Variants in SORCS2 observed in about 807,000 individuals in gnomAD.
SORCS2 encodes the protein sortilin related VPS10 domain containing receptor 2, also known as VPS10 domain-containing receptor SorCS2.
A neutral mutation model predicts 141.6 loss-of-function variants in SORCS2; 100 were observed. The ratio of observed to expected loss-of-function variants is 0.71; its 90% CI spans 0.60 to 0.83. The LOEUF (loss-of-function observed/expected upper bound fraction) is 0.83, where lower values mean the gene tolerates loss of function less well. Ranked by LOEUF, SORCS2 falls within the 40% of genes least tolerant of loss-of-function variation. The probability of loss-of-function intolerance (pLI) is 0.00; values close to 1 mark genes in which losing one functional copy is unlikely to be tolerated. For synonymous variants in SORCS2, 789 were observed against 676.9 expected (o/e 1.17, Z -2.57); for missense variants, 1,646 against 1,560.2 (o/e 1.05, Z -0.93).
At chr4:7,548,979 T>C (rs959386373) in intron 3 of SORCS2, among the ~76,000 whole-genome samples, 3 of 152,122 alleles carry the variant, frequency 2.0e-5, no homozygotes, top group Non-Finnish European at 4.4e-5. Flanking sequence ...GATGCTCTCA[T>C]TGGCTGGGCT....
At chr4:7,270,482 G>T (rs916990200) in intron 1 of SORCS2, among the ~76,000 whole-genome samples, 1 of 152,192 alleles carries the variant, frequency 6.6e-6, no homozygotes, top group Admixed American at 6.5e-5. Flanking sequence ...TCCCTCCAGC[G>T]CTTCCTCTGA....
At chr4:7,717,102 C>A (rs1331075647) in intron 17 of SORCS2, among the ~76,000 whole-genome samples, 8 of 152,218 alleles carry the variant, frequency 5.3e-5, no homozygotes, top group African/African-American at 1.7e-4. Context: ...TCACAAGTAG[C>A]AAGCTGGATG....
chr4:7,366,734 G>T (rs1026501581), intron 1 of SORCS2, among the ~76,000 whole-genome samples: 7 of 151,982 alleles, frequency 4.6e-5, no homozygotes, highest in Non-Finnish European at 8.8e-5. Context: ...CAGATGGCCT[G>T]TGTGCTCACC....
At chr4:7,415,027 G>A (rs1393418359) in intron 2 of SORCS2, among the ~76,000 whole-genome samples, 1 of 152,160 alleles carries the variant, frequency 6.6e-6, no homozygotes, top group Non-Finnish European at 1.5e-5. Context: ...GAGAAGCAAG[G>A]CTAGGTGATT....
intron 1 of SORCS2, among the ~76,000 whole-genome samples, chr4:7,365,287 G>A (rs1721810497): frequency 6.6e-6 from 1 of 152,190 alleles, no homozygotes; most frequent in Admixed American, 6.5e-5. Context: ...AGAGCTGGAG[G>A]GCAGTGCAGG....
chr4:7,654,040 G>A, intron 4 of SORCS2, 94 bp from the exon 5 acceptor site: 1 of 1,176,436 alleles, frequency 8.5e-7, no homozygotes. Context: ...ACTTCTCCTG[G>A]GGGATCTGCT....
chr4:7,664,826 G>T lies in SORCS2; in HGVS notation c.1071+355G>T, dbSNP rs1315742364. 5.9e-5 allele frequency among the ~76,000 whole-genome samples: 9 copies of T among 152,302 alleles called. No homozygotes were observed. The East Asian group carries it at 1.4e-3, about 23-fold the overall frequency. On this transcript the variant is annotated intron_variant, in intron 7 of 26. Transcript: ENST00000507866. The surrounding 1 kb of genome is among the most constrained non-coding windows in gnomAD (Gnocchi z 4.7). The stretch of plus-strand genomic sequence containing the variant: ...TCTGGTCCCGGCTCTTGGCCACCAG[G>T]CACCGGCTATCCACAGCCCTGTGAC...
chr4:7,513,269 C>T (rs377592544), intron 2 of SORCS2, among the ~76,000 whole-genome samples: 4 of 152,202 alleles, frequency 2.6e-5, no homozygotes, highest in Non-Finnish European at 4.4e-5. Flanking sequence ...GGGTTATTGC[C>T]GTGGATGAGT....
intron 2 of SORCS2, among the ~76,000 whole-genome samples, chr4:7,413,244 C>A (rs1051526909): frequency 6.6e-6 from 1 of 152,072 alleles, no homozygotes; most frequent in African/African-American, 2.4e-5. Context: ...GTGTTAACCC[C>A]ACCTCATGAG....
At chr4:7,516,038 C>T (rs1484082880) in intron 2 of SORCS2, among the ~76,000 whole-genome samples, 2 of 152,190 alleles carry the variant, frequency 1.3e-5, no homozygotes, top group Admixed American at 1.3e-4. Flanking sequence ...TAGCAGTACC[C>T]GTGATGGTGT....
At chr4:7,218,209 A>G (rs1728489267) in intron 1 of SORCS2, among the ~76,000 whole-genome samples, 1 of 152,120 alleles carries the variant, frequency 6.6e-6, no homozygotes, top group Non-Finnish European at 1.5e-5. Context: ...CAACGAGTAG[A>G]TCCTGCATTC....
intron 2 of SORCS2, among the ~76,000 whole-genome samples, chr4:7,478,957 T>G (rs978069300): frequency 1.3e-5 from 2 of 152,222 alleles, no homozygotes. Context: ...GCTCTCCTGA[T>G]AGCTTTGTGT....
intron 4 of SORCS2, among the ~76,000 whole-genome samples, chr4:7,639,405 A>G (rs1720485638): frequency 7.5e-6 from 1 of 132,844 alleles, no homozygotes; most frequent in Admixed American, 8.4e-5. Context: ...CATGCTGCCT[A>G]CTGCATAAGT....
In SORCS2 at chr4:7,229,759, T is replaced by C. The variant is rs1025925583; in HGVS notation, c.480+36633T>C. Among the ~76,000 whole-genome samples, 47 of 152,040 alleles carry C rather than the reference T, an allele frequency of 3.1e-4. 3 individuals carry two copies. The highest frequency in any genetic ancestry group is 2.9e-5 in the Non-Finnish European group (2 of 68,012). On this transcript the variant is annotated intron_variant, in intron 1 of 26. Transcript: ENST00000507866. ...GTCTCTGGGCAGGAGCAGTGTCATG[T>C]GCTCATGTATGAAGGAGATGAAGAT...
At chr4:7,467,515 G>A (rs536481224) in intron 2 of SORCS2, among the ~76,000 whole-genome samples, 57 of 152,352 alleles carry the variant, frequency 3.7e-4, no homozygotes, top group African/African-American at 1.3e-3. Flanking sequence ...ACAGAAGTCA[G>A]AGGGCAGCTG....
chr4:7,433,520 T>C, intron 2 of SORCS2: 1 of 1,608,162 alleles, frequency 6.2e-7, no homozygotes, highest in East Asian at 2.2e-5. Context: ...ATCATGTCCT[T>C]GAGACTCTCA....
chr4:7,627,780 T>C (rs1719612109), intron 3 of SORCS2, among the ~76,000 whole-genome samples: 1 of 152,182 alleles, frequency 6.6e-6, no homozygotes, highest in Admixed American at 6.5e-5. Flanking sequence ...TTTTATTTGG[T>C]AAAATAGTTC....
chr4:7,416,648 A>ACATG (rs58110883), intron 2 of SORCS2, among the ~76,000 whole-genome samples: 2 of 152,094 alleles, frequency 1.3e-5, no homozygotes, highest in East Asian at 1.9e-4. Context: ...ACAAGCACAC[A>ACATG]CATGCATGCA....
At position 7,321,132 on chromosome 4, in the gene SORCS2, C is replaced by T. The variant is rs144221944; in HGVS notation, c.481-75156C>T. On this transcript the variant is annotated intron_variant, in intron 1 of 26. Transcript: ENST00000507866. ...TCCTGAGTCTTTAATGTCCATGATA[C>T]TCCTGTGCGTGCCTTTGCCTACCCA... Among the ~76,000 whole-genome samples the T allele has an allele frequency of 2.7e-3, 411 of 152,222 alleles. 4 individuals carry two copies. The highest frequency in any genetic ancestry group is 9.4e-3 in the African/African-American group (389 of 41,526).
Sources: gnomAD v4.1 joint callset for allele counts (sites outside exome capture counted in the v4.1 genomes callset) on GRCh38, gnomAD v4.1.1 for gene constraint, Gnocchi (gnomAD v3.1) non-coding constraint, MANE v1.5 for transcripts, NCBI Gene and HGNC (gene_info 2026-07-23, HGNC 2026-07-21) for gene names.